Variants in FARS2 observed in about 807,000 individuals in gnomAD.
The protein encoded by FARS2 is phenylalanyl-tRNA synthetase 2, mitochondrial, also known as phenylalanine--tRNA ligase, mitochondrial.
A neutral mutation model predicts 46.4 loss-of-function variants in FARS2; 40 were observed. The observed-to-expected ratio is 0.86, with a 90% CI of 0.67 to 1.12. FARS2 has a LOEUF of 1.12. Among genes scored for constraint, FARS2 ranks in the 50% most tolerant of loss-of-function variants. The pLI is 0.00. For synonymous variants in FARS2, 234 were observed against 214.9 expected (o/e 1.09, Z -0.78); for missense variants, 513 against 567.9 (o/e 0.90, Z 0.98).
At chr6:5,665,637 T>A (rs995349293) in intron 6 of FARS2, among the ~76,000 whole-genome samples, 1 of 152,170 alleles carries the variant, frequency 6.6e-6, no homozygotes, top group Non-Finnish European at 1.5e-5. Context: ...GGCATGTTAG[T>A]GATCTGGGAT....
At chr6:5,285,443 T>G (rs956344082) in intron 1 of FARS2, among the ~76,000 whole-genome samples, 1 of 152,308 alleles carries the variant, frequency 6.6e-6, no homozygotes, top group Non-Finnish European at 1.5e-5. Context: ...AACATTTTTC[T>G]TAATGTGTAT....
chr6:5,631,092 A>G (rs2150718586), intron 6 of FARS2, among the ~76,000 whole-genome samples: 1 of 152,284 alleles, frequency 6.6e-6, no homozygotes, highest in African/African-American at 2.4e-5. Context: ...ACCTCCACTC[A>G]CCTCACAAAC....
At chr6:5,741,299 C>T (rs562993523) in intron 6 of FARS2, among the ~76,000 whole-genome samples, 60 of 152,318 alleles carry the variant, frequency 3.9e-4, no homozygotes, top group Admixed American at 1.7e-3. Flanking sequence ...GCTGACTGCA[C>T]GGGAGATGCA....
chr6:5,585,092 C>T (rs549504592), intron 5 of FARS2, among the ~76,000 whole-genome samples: 1 of 151,972 alleles, frequency 6.6e-6, no homozygotes, highest in African/African-American at 2.4e-5. Context: ...GAAAAGCAAG[C>T]AGAATTATGT....
chr6:5,335,469 T>C (rs1771088748), intron 1 of FARS2, among the ~76,000 whole-genome samples: 1 of 152,164 alleles, frequency 6.6e-6, no homozygotes, highest in South Asian at 2.1e-4. Context: ...ATTGATGTTA[T>C]TTGTTTTTTT....
Position 5,545,293 on chromosome 6 carries a change from C to T in FARS2, c.1018C>T (p.Leu340=), listed in dbSNP as rs1770900977. The T allele has an allele frequency of 1.9e-6, 3 of 1,613,996 alleles. No individual in the cohort carries two copies. Among genetic ancestry groups the T allele is most frequent in the Non-Finnish European group, 2.5e-6 (3 of 1,179,986 alleles). ...CTTCTGGTGTGAGGACGAGCGCTTC[C>T]TGAAGCAGTTCTGTGTATCCAACAT... is the stretch of plus-strand genomic sequence containing the variant. ...RLFWCEDERF[L]KQFCVSNINQ... The change falls in exon 5 of 7, where the codon CTG becomes TTG. Residue 340 remains leucine, a synonymous_variant. Coordinates refer to ENST00000274680, the MANE Select transcript of FARS2 (RefSeq NM_006567.5).
At position 5,423,627 on chromosome 6, in the gene FARS2, A is replaced by G. The variant is rs143749741; in HGVS notation, c.773-7414A>G. The stretch of plus-strand genomic sequence containing the variant: ...TCATTGTGGCTGAAATAGTGTTAAT[A>G]TCTTCTGTATGCTTGGGAGGTCCCA... On this transcript the variant is annotated intron_variant, in intron 3 of 6. Coordinates refer to ENST00000274680, the MANE Select transcript of FARS2 (RefSeq NM_006567.5). Among the ~76,000 whole-genome samples, 1,322 of 152,210 alleles carry G rather than the reference A, an allele frequency of 8.7e-3. 9 individuals carry two copies. The highest frequency in any genetic ancestry group is 0.014 in the Non-Finnish European group (959 of 68,004).
chr6:5,723,278 T>C (rs1205475418), intron 6 of FARS2, among the ~76,000 whole-genome samples: 2 of 152,164 alleles, frequency 1.3e-5, no homozygotes, highest in Non-Finnish European at 2.9e-5. Context: ...ACAAAGCTCA[T>C]ATCTATATAT....
chr6:5,309,560 A>G (rs1385793533), intron 1 of FARS2, among the ~76,000 whole-genome samples: 1 of 152,216 alleles, frequency 6.6e-6, no homozygotes, highest in Admixed American at 6.5e-5. Flanking sequence ...TACTGTGCCT[A>G]TATACCTAGT....
intron 6 of FARS2, among the ~76,000 whole-genome samples, chr6:5,708,317 T>A (rs1291557988): frequency 1.3e-5 from 2 of 152,210 alleles, no homozygotes. Context: ...TTTCTTTGTT[T>A]TAGCATCATT....
At chr6:5,467,624 A>AT (rs1298091618) in intron 4 of FARS2, among the ~76,000 whole-genome samples, 2 of 152,084 alleles carry the variant, frequency 1.3e-5, no homozygotes, top group East Asian at 1.9e-4. Flanking sequence ...GAACAATCTA[A>AT]TTTTTTCCAG....
chr6:5,358,573 G>A (rs942294725), intron 1 of FARS2, among the ~76,000 whole-genome samples: 3 of 152,114 alleles, frequency 2.0e-5, no homozygotes, highest in Non-Finnish European at 2.9e-5. Flanking sequence ...GATATGTTTT[G>A]GAAAGCATTG....
chr6:5,563,587 TC>T (rs1226653471), intron 5 of FARS2, among the ~76,000 whole-genome samples: 1 of 152,154 alleles, frequency 6.6e-6, no homozygotes, highest in East Asian at 1.9e-4. Context: ...TCTGGCTACT[TC>T]CTGCTGAAAA....
In FARS2 at chr6:5,764,223, A is replaced by G. The variant is rs569049625; in HGVS notation, c.1218-7068A>G. Among the ~76,000 whole-genome samples the G allele has an allele frequency of 9.2e-5, 14 of 152,254 alleles. 1 individual carries two copies. In the South Asian group the frequency reaches 2.3e-3, roughly 25 times the overall value. ...GCGAGAAGGGTGATGTAAGCTGCCC[A>G]GAGTCGCACAGCTAGCAAAGGGCAG... is the stretch of plus-strand genomic sequence containing the variant. On this transcript the variant is annotated intron_variant, in intron 6 of 6. Coordinates refer to ENST00000274680, the MANE Select transcript of FARS2 (RefSeq NM_006567.5). The surrounding 1 kb of genome is among the most constrained non-coding windows in gnomAD (Gnocchi z 4.1).
At chr6:5,344,824 T>C (rs917033079) in intron 1 of FARS2, among the ~76,000 whole-genome samples, 1 of 151,826 alleles carries the variant, frequency 6.6e-6, no homozygotes, top group African/African-American at 2.4e-5. Flanking sequence ...AGTTTTTCTC[T>C]GTTACCCAGA....
chr6:5,653,018 C>T (rs1166130565), intron 6 of FARS2, among the ~76,000 whole-genome samples: 1 of 152,202 alleles, frequency 6.6e-6, no homozygotes, highest in African/African-American at 2.4e-5. Context: ...ATTTATAAAG[C>T]ATGCCATACG....
chr6:5,465,948 G>T (rs1347932187), intron 4 of FARS2, among the ~76,000 whole-genome samples: 1 of 152,024 alleles, frequency 6.6e-6, no homozygotes, highest in African/African-American at 2.4e-5. Flanking sequence ...TCCACTGTAG[G>T]AGAATCAATT....
chr6:5,319,338 A>G (rs1183287913), intron 1 of FARS2, among the ~76,000 whole-genome samples: 1 of 152,178 alleles, frequency 6.6e-6, no homozygotes, highest in Non-Finnish European at 1.5e-5. Flanking sequence ...TTTAACTGGT[A>G]TATAGCCTTC....
At chr6:5,685,760 A>G (rs1355636515) in intron 6 of FARS2, among the ~76,000 whole-genome samples, 1 of 152,096 alleles carries the variant, frequency 6.6e-6, no homozygotes, top group Non-Finnish European at 1.5e-5. Context: ...CCAGGACCAG[A>G]GCTGAGGCCG....
Sources: allele counts gnomAD v4.1 joint callset (sites outside exome capture counted in the v4.1 genomes callset), GRCh38; gene constraint gnomAD v4.1.1; non-coding constraint Gnocchi (gnomAD v3.1); transcripts MANE v1.5; gene names NCBI Gene and HGNC (gene_info 2026-07-23, HGNC 2026-07-21).